The following SRGAP1 variants were observed in gnomAD, a reference collection of about 807,000 sequenced individuals.
The protein encoded by SRGAP1 is SLIT-ROBO Rho GTPase activating protein 1, also known as SLIT-ROBO Rho GTPase-activating protein 1.
Under a neutral mutation model 121.9 loss-of-function variants are expected in SRGAP1, and 43 were observed. That is an observed-to-expected ratio of 0.35 (90% CI 0.28 to 0.46). The LOEUF (loss-of-function observed/expected upper bound fraction) is 0.46. Ranked by LOEUF, SRGAP1 falls within the 20% of genes least tolerant of loss-of-function variation. The probability of loss-of-function intolerance (pLI) is 1.00; values close to 1 mark genes in which losing one functional copy is unlikely to be tolerated. For missense variants in SRGAP1, 1,102 were observed against 1,350.9 expected (o/e 0.82, Z 2.89); for synonymous variants, 447 against 485.4 (o/e 0.92, Z 1.04).
intron 8 of SRGAP1, among the ~76,000 whole-genome samples, chr12:64,069,927 CAG>C (rs560966673): frequency 2.3e-3 from 354 of 152,266 alleles, no homozygotes; most frequent in African/African-American, 8.0e-3. Flanking sequence ...TTTGTAGAGA[CAG>C]GGTCTCCCTG....
intron 3 of SRGAP1, among the ~76,000 whole-genome samples, chr12:64,006,773 G>C (rs1197296003): frequency 2.0e-5 from 3 of 151,952 alleles, no homozygotes; most frequent in South Asian, 4.2e-4. Context: ...GTGTGTCCTG[G>C]GGGGGAAAAA....
intron 1 of SRGAP1, chr12:63,878,848 C>G (rs1178400576): frequency 6.6e-6 from 1 of 152,158 alleles, no homozygotes; most frequent in Non-Finnish European, 1.5e-5. Context: ...CTAATTCTCA[C>G]CTTGTTGGGT....
At chr12:63,884,349 C>T in intron 1 of SRGAP1, among the ~76,000 whole-genome samples, 1 of 152,046 alleles carries the variant, frequency 6.6e-6, no homozygotes, top group East Asian at 1.9e-4. Flanking sequence ...GAATATAAAT[C>T]CTTTTGGATT....
intron 8 of SRGAP1, among the ~76,000 whole-genome samples, chr12:64,076,929 C>T (rs1187371810): frequency 6.6e-6 from 1 of 152,188 alleles, no homozygotes; most frequent in Non-Finnish European, 1.5e-5. Context: ...AGGTGTGAGT[C>T]ACCACGCCCC....
intron 6 of SRGAP1, among the ~76,000 whole-genome samples, chr12:64,058,750 C>G (rs1421726969): frequency 1.3e-5 from 2 of 151,898 alleles, no homozygotes; most frequent in Admixed American, 6.6e-5. Context: ...TAGAATTACT[C>G]TAAACCTTTT....
intron 6 of SRGAP1, among the ~76,000 whole-genome samples, chr12:64,052,101 C>G (rs1268766775): frequency 6.6e-6 from 1 of 152,168 alleles, no homozygotes; most frequent in East Asian, 1.9e-4. Context: ...AACCAAGTAT[C>G]TATTCTTTTA....
At position 64,147,769 on chromosome 12, in the gene SRGAP1, G is replaced by C. The variant is rs564680134; in HGVS notation, c.*5097G>C. 1 of 397,854 alleles carries C rather than the reference G, an allele frequency of 2.5e-6. No individual in the cohort carries two copies. The highest frequency in any genetic ancestry group is 3.6e-5 in the East Asian group (1 of 28,056). The allele number at this position is 397,854 out of a possible 1,614,324, so 24.6% of individuals were successfully genotyped here. ...ACATTTTTGGCATGTACCATTACAG[G>C]CTTCAGTATACAGTCAGGTTTGTTC... On this transcript the variant is annotated 3_prime_UTR_variant, in exon 22 of 22. Transcript: ENST00000355086.
At chr12:63,859,450 A>G (rs781302962) in intron 1 of SRGAP1, among the ~76,000 whole-genome samples, 1 of 152,190 alleles carries the variant, frequency 6.6e-6, no homozygotes, top group Non-Finnish European at 1.5e-5. Context: ...TACAGGTGTG[A>G]ACCTCTGCAC....
intron 1 of SRGAP1, among the ~76,000 whole-genome samples, chr12:63,974,682 G>A (rs188125326): frequency 3.5e-4 from 54 of 152,118 alleles, no homozygotes; most frequent in East Asian, 1.9e-3. Context: ...TATTATGTTC[G>A]TTGTACTATT....
chr12:63,995,322 T>G (rs1053627307), intron 3 of SRGAP1, among the ~76,000 whole-genome samples: 1 of 152,176 alleles, frequency 6.6e-6, no homozygotes, highest in Non-Finnish European at 1.5e-5. Flanking sequence ...TTTCATAAAT[T>G]AGCTCACATA....
chr12:64,112,019 C>A, intron 17 of SRGAP1, 33 bp downstream of exon 17: 1 of 1,543,714 alleles, frequency 6.5e-7, no homozygotes, highest in African/African-American at 1.4e-5. Flanking sequence ...TCCTCTCCCA[C>A]CGAAAATTAT....
At chr12:64,024,624 C>G (rs2034614771) in intron 4 of SRGAP1, among the ~76,000 whole-genome samples, 1 of 152,156 alleles carries the variant, frequency 6.6e-6, no homozygotes, top group African/African-American at 2.4e-5. Flanking sequence ...TGAGCGCTAA[C>G]TCCAGTATGC....
intron 10 of SRGAP1, chr12:64,081,258 CTCAGG>C (rs1258163777): frequency 1.3e-5 from 2 of 151,952 alleles, no homozygotes; most frequent in South Asian, 2.1e-4. Context: ...GTGTGAGTAA[CTCAGG>C]TCAAAAAAGA....
At chr12:64,022,947 A>G (rs1462520483) in intron 4 of SRGAP1, among the ~76,000 whole-genome samples, 1 of 152,148 alleles carries the variant, frequency 6.6e-6, no homozygotes, top group Admixed American at 6.5e-5. Context: ...AGGTAAGAGG[A>G]AAAGTACAGC....
Position 64,144,836 on chromosome 12 carries a change from C to CTTTTTTTTTTTTTTTTTTTTTTTTTTT in SRGAP1, c.*2190_*2191insTTTTTTTTTTTTTTTTTTTTTTTTTTT, listed in dbSNP as rs58636089. 1 of 79,450 alleles carries CTTTTTTTTTTTTTTTTTTTTTTTTTTT rather than the reference C, an allele frequency of 1.3e-5. No homozygotes were observed. Among genetic ancestry groups the CTTTTTTTTTTTTTTTTTTTTTTTTTTT allele is most frequent in the Non-Finnish European group, 2.2e-5 (1 of 44,844 alleles). The allele number at this position is 79,450 out of a possible 1,614,324, so 4.9% of individuals were successfully genotyped here. On this transcript the variant is annotated 3_prime_UTR_variant, in exon 22 of 22. Transcript: ENST00000355086. Reference sequence around the variant, plus strand: ...TTAAACTTTCCAAAATAATCCCCCACTTTTTTTTTTTTTTTTTTTTTTTTT... The same window carrying CTTTTTTTTTTTTTTTTTTTTTTTTTTT: ...TTAAACTTTCCAAAATAATCCCCCACTTTTTTTTTTTTTTTTTTTTTTTTTTTTTTTTTTTTTTTTTTTTTTTTTTTT...
chr12:64,127,670 C>T lies in SRGAP1; in HGVS notation c.2486C>T (p.Ser829Leu). The T allele has an allele frequency of 6.2e-7, 1 of 1,614,138 alleles. No homozygotes were observed. The highest frequency in any genetic ancestry group is 1.3e-5 in the African/African-American group (1 of 75,020). The part of the protein sequence containing the change: ...SSGPVTEDKS[S>L]SKDMNSPTDR... ...GGGCCAGTCACGGAAGACAAGTCCT[C>T]ATCCAAGGACATGAACTCCCCGACA... The change falls in exon 20 of 22, where the codon TCA becomes TTA. Residue 829 changes from serine (S) to leucine (L), a missense_variant. By Grantham distance (145) the Ser-to-Leu change is moderately radical. This residue lies in a region of SRGAP1 where 315 missense variants were observed against 343.1 expected (regional missense o/e 0.92). Coordinates refer to ENST00000355086, the MANE Select transcript of SRGAP1 (RefSeq NM_020762.4).
chr12:63,940,246 C>T lies in SRGAP1; in HGVS notation c.68-43701C>T, dbSNP rs1236012504. 3.3e-5 allele frequency among the ~76,000 whole-genome samples: 5 copies of T among 151,926 alleles called. No homozygotes were observed. The South Asian group carries it at 6.3e-4, about 19-fold the overall frequency. On this transcript the variant is annotated intron_variant, in intron 1 of 21. Coordinates refer to ENST00000355086, the MANE Select transcript of SRGAP1 (RefSeq NM_020762.4). Reference sequence around the variant, plus strand: ...CAAAGTGCTGGTATTACAGGCGTGACCCATGGCACCTGGCCTCTGTCTCCC... The same window carrying T: ...CAAAGTGCTGGTATTACAGGCGTGATCCATGGCACCTGGCCTCTGTCTCCC...
At chr12:63,879,410 C>T (rs1900123188) in intron 1 of SRGAP1, 1 of 151,988 alleles carries the variant, frequency 6.6e-6, no homozygotes, top group Non-Finnish European at 1.5e-5. Flanking sequence ...TGGTGAAGGC[C>T]TAATTTTGTT....
intron 12 of SRGAP1, among the ~76,000 whole-genome samples, chr12:64,092,376 C>T (rs2136585607): frequency 6.6e-6 from 1 of 152,242 alleles, no homozygotes; most frequent in Non-Finnish European, 1.5e-5. Flanking sequence ...TGATATATTA[C>T]AGACGTCTTA....
Sources: gnomAD v4.1 joint callset for allele counts (sites outside exome capture counted in the v4.1 genomes callset) on GRCh38, gnomAD v4.1.1 for gene constraint, gnomAD v4.1.1 regional missense constraint, MANE v1.5 for transcripts, NCBI Gene and HGNC (gene_info 2026-07-23, HGNC 2026-07-21) for gene names.